The following CDH13 variants were observed in gnomAD, a reference collection of about 807,000 sequenced individuals.
The protein encoded by CDH13 is cadherin 13, also known as cadherin-13.
In CDH13, 24 loss-of-function variants were observed where a neutral mutation model predicts 63.8. That is an observed-to-expected ratio of 0.38 (90% CI 0.27 to 0.53). The LOEUF is 0.53. CDH13 is among the 20% of genes least tolerant of loss of function. The pLI, the probability that CDH13 is intolerant of heterozygous loss-of-function variation, is 0.85. For missense variants in CDH13, 1,049 were observed against 903.1 expected, an observed-to-expected ratio of 1.16 and a Z score of -2.07; for synonymous variants, 503 against 355.3, an observed-to-expected ratio of 1.42 and a Z score of -4.67.
chr16:82,948,211 T>A (rs1440920511), intron 2 of CDH13, among the ~76,000 whole-genome samples: 1 of 152,160 alleles, frequency 6.6e-6, no homozygotes, highest in Non-Finnish European at 1.5e-5. Context: ...ATTATGTATT[T>A]ACTCCCCCAA....
chr16:82,887,603 G>C (rs12446335), intron 2 of CDH13, among the ~76,000 whole-genome samples: 111,830 of 152,134 alleles, frequency 0.74, 41,420 homozygotes, highest in East Asian at 0.88. Context: ...GGCAGATCAC[G>C]TGAGGTCAGG....
At chr16:83,358,688 A>G (rs17284265) in intron 6 of CDH13, among the ~76,000 whole-genome samples, 13,297 of 152,206 alleles carry the variant, frequency 0.087, 812 homozygotes, top group Non-Finnish European at 0.13. Flanking sequence ...ACATAAGCCC[A>G]CTTACACCTC....
chr16:82,684,084 T>G (rs1914824643), intron 1 of CDH13, among the ~76,000 whole-genome samples: 1 of 152,212 alleles, frequency 6.6e-6, no homozygotes, highest in Admixed American at 6.5e-5. Context: ...AATTCGTGAA[T>G]AGCCATGATC....
intron 8 of CDH13, among the ~76,000 whole-genome samples, chr16:83,605,724 A>G (rs549118411): frequency 6.6e-6 from 1 of 152,336 alleles, no homozygotes; most frequent in South Asian, 2.1e-4. Context: ...AGATATTATT[A>G]TGACAGTGAT....
At chr16:83,200,208 G>T (rs933272288) in intron 4 of CDH13, among the ~76,000 whole-genome samples, 1 of 152,156 alleles carries the variant, frequency 6.6e-6, no homozygotes, top group African/African-American at 2.4e-5. Context: ...GTGAGCCTGG[G>T]CGCTGGGTGG....
chr16:83,423,986 C>A (rs1489313), intron 6 of CDH13, among the ~76,000 whole-genome samples: 72,530 of 152,044 alleles, frequency 0.48, 17,898 homozygotes, highest in Non-Finnish European at 0.52. Flanking sequence ...ACCTGGGAAA[C>A]CAGTCTAGAA....
intron 6 of CDH13, among the ~76,000 whole-genome samples, chr16:83,415,556 A>G (rs1475733954): frequency 6.6e-6 from 1 of 152,202 alleles, no homozygotes; most frequent in Non-Finnish European, 1.5e-5. Context: ...CATTAAGAGG[A>G]TCACAGGTCA....
At chr16:82,741,603 G>C (rs2033937030) in intron 1 of CDH13, among the ~76,000 whole-genome samples, 1 of 152,094 alleles carries the variant, frequency 6.6e-6, no homozygotes, top group Non-Finnish European at 1.5e-5. Flanking sequence ...TAACATGGTA[G>C]GCTTCAAATA....
intron 5 of CDH13, among the ~76,000 whole-genome samples, chr16:83,230,869 C>T (rs996495522): frequency 2.0e-5 from 3 of 152,164 alleles, no homozygotes; most frequent in Non-Finnish European, 4.4e-5. Flanking sequence ...TTTGGGTCAG[C>T]CCAGGAAATC....
chr16:82,836,826 T>C (rs887858251), intron 1 of CDH13, among the ~76,000 whole-genome samples: 1 of 152,232 alleles, frequency 6.6e-6, no homozygotes, highest in Non-Finnish European at 1.5e-5. Context: ...TGCATTTTCA[T>C]AACCCACCTT....
chr16:83,218,436 C>T (rs772018058), intron 5 of CDH13, among the ~76,000 whole-genome samples: 3 of 151,616 alleles, frequency 2.0e-5, no homozygotes, highest in Admixed American at 6.6e-5. Context: ...AGAACTGAAA[C>T]GTGAGCCATG....
Position 82,813,205 on chromosome 16 carries a change from C to A in CDH13, c.46-45157C>A, listed in dbSNP as rs141482185. Among the ~76,000 whole-genome samples the A allele has an allele frequency of 3.0e-3, 455 of 152,070 alleles. 4 individuals are homozygous for A. The highest frequency in any genetic ancestry group is 0.011 in the African/African-American group (441 of 41,462). ...GAAATTGAAATTGGAGAGACATTAT[C>A]CAGGCAGGAAAACTATGAGTTAAGG... On this transcript the variant is annotated intron_variant, in intron 1 of 13. Coordinates refer to ENST00000567109, the MANE Select transcript of CDH13 (RefSeq NM_001257.5).
At chr16:83,731,067 A>G (rs1203327061) in intron 10 of CDH13, among the ~76,000 whole-genome samples, 6 of 152,182 alleles carry the variant, frequency 3.9e-5, no homozygotes, top group Admixed American at 1.3e-4. Context: ...TCCACCATTG[A>G]TGAGCACCTG....
chr16:83,576,593 G>A (rs1247066690), intron 7 of CDH13, among the ~76,000 whole-genome samples: 6 of 152,182 alleles, frequency 3.9e-5, no homozygotes, highest in Admixed American at 1.3e-4. Context: ...ATTACACATA[G>A]CAGTGATACC....
intron 1 of CDH13, among the ~76,000 whole-genome samples, chr16:82,757,614 A>ATTATGTCAACATTT (rs1555511727): frequency 2.6e-5 from 4 of 151,364 alleles, no homozygotes; most frequent in South Asian, 2.1e-4. Context: ...TTGCAAATGC[A>ATTATGTCAACATTT]AGCTTTGGTA....
At chr16:83,751,867 T>A (rs1444283269) in intron 11 of CDH13, among the ~76,000 whole-genome samples, 7 of 152,232 alleles carry the variant, frequency 4.6e-5, no homozygotes, top group Admixed American at 4.6e-4. Flanking sequence ...TGGTCCTTCT[T>A]GTTTTCGGAG....
chr16:83,798,503 A>G lies in CDH13; in HGVS notation c.*3473A>G, dbSNP rs1197217073. 1 of 152,262 alleles carries G rather than the reference A, an allele frequency of 6.6e-6. No individual in the cohort carries two copies. The highest frequency in any genetic ancestry group is 2.4e-5 in the African/African-American group (1 of 41,470). 9.4% of individuals were successfully genotyped at this position (152,262 alleles called of 1,614,324 possible). Reference sequence around the variant, plus strand: ...TCCAGTAACATATGAGACAAGCACTACTATCTTCTCCAACTCACAGATAAA... The same window carrying G: ...TCCAGTAACATATGAGACAAGCACTGCTATCTTCTCCAACTCACAGATAAA... On this transcript the variant is annotated 3_prime_UTR_variant, in exon 14 of 14. Coordinates refer to ENST00000567109, the MANE Select transcript of CDH13 (RefSeq NM_001257.5).
At chr16:83,351,840 A>T (rs1415719360) in intron 6 of CDH13, among the ~76,000 whole-genome samples, 1 of 152,218 alleles carries the variant, frequency 6.6e-6, no homozygotes, top group Non-Finnish European at 1.5e-5. Context: ...AAGCTTGTTC[A>T]TGCAGCAGGA....
intron 5 of CDH13, among the ~76,000 whole-genome samples, chr16:83,238,995 C>A (rs1904291090): frequency 6.6e-6 from 1 of 152,146 alleles, no homozygotes; most frequent in Non-Finnish European, 1.5e-5. Context: ...TCAGGCATTG[C>A]AAAGTGCCTT....
Sources: gnomAD v4.1 joint callset for allele counts (sites outside exome capture counted in the v4.1 genomes callset) on GRCh38, gnomAD v4.1.1 for gene constraint, MANE v1.5 for transcripts, NCBI Gene and HGNC (gene_info 2026-07-23, HGNC 2026-07-21) for gene names.